Variants in PNPLA5 observed in about 807,000 individuals in gnomAD.
PNPLA5 encodes patatin-like phospholipase domain-containing protein 5.
PNPLA5 carries 44 observed loss-of-function variants against 49.1 expected under a neutral mutation model. The ratio of observed to expected loss-of-function variants is 0.90; its 90% CI spans 0.70 to 1.15. The LOEUF is 1.15. PNPLA5 is among the 50% of genes most tolerant of loss of function. The probability of loss-of-function intolerance (pLI) is 0.00; values close to 1 mark genes in which losing one functional copy is unlikely to be tolerated. For missense variants in PNPLA5, 603 were observed against 564.0 expected, an observed-to-expected ratio of 1.07 and a Z score of -0.70; for synonymous variants, 243 against 244.4, an observed-to-expected ratio of 0.99 and a Z score of 0.06.
chr22:43,890,988 A>G, intron 2 of PNPLA5, 74 bp downstream of exon 2: 1 of 1,531,158 alleles, frequency 6.5e-7, no homozygotes, highest in Non-Finnish European at 8.8e-7. Context: ...TCTGACGGGG[A>G]AGTACCTGGA....
Position 43,880,880 on chromosome 22 carries a change from G to A in PNPLA5, c.1205C>T (p.Pro402Leu), listed in dbSNP as rs201768155. 27 of 1,326,352 alleles carry A rather than the reference G, an allele frequency of 2.0e-5. No homozygotes were observed. In the South Asian group the frequency reaches 3.7e-4, roughly 18 times the overall value. 82.2% of individuals were successfully genotyped at this position (1,326,352 alleles called of 1,614,324 possible). A position where few individuals can be genotyped will look rare whatever the true frequency, so the allele number is the denominator to read the frequency against. The change falls in exon 9 of 9, where the codon CCG (proline) becomes CTG (leucine). Residue 402 changes from proline (P) to leucine (L), a missense_variant. Coordinates refer to ENST00000216177, the MANE Select transcript of PNPLA5 (RefSeq NM_138814.4). ...KAQLLGPISP[P>L]ATRVLETSPL... is the part of the protein sequence containing the mutation. ...GCTTGTTTCCAGGACGCGAGTGGCC[G>A]GAGGGCTGTGGAGGGAGGAGAAGCC...
intron 7 of PNPLA5, among the ~76,000 whole-genome samples, chr22:43,883,775 C>T (rs2049633124): frequency 6.6e-6 from 1 of 150,894 alleles, no homozygotes; most frequent in South Asian, 2.1e-4. Flanking sequence ...CATGCCATTG[C>T]ACTCCAGCCT....
At position 43,889,831 on chromosome 22, in the gene PNPLA5, A is replaced by T; in HGVS notation, c.460T>A (p.Cys154Ser). ...CTGAACTCGGGGGGGATCAGCCCGC[A>T]GTAGAAAGGAAAGTATAAGGTGCAG... Reference protein sequence around the residue: ...LVCTLYFPFYCGLIPPEFRGE... With the variant: ...LVCTLYFPFYSGLIPPEFRGE... The change falls in exon 3 of 9, where the codon TGC becomes AGC. Residue 154 changes from cysteine (C) to serine (S), a missense_variant. By Grantham distance (112) the Cys-to-Ser change is moderately radical (BLOSUM62 -1). Transcript: ENST00000216177. The T allele has an allele frequency of 6.2e-7, 1 of 1,613,544 alleles. No homozygotes were observed. The highest frequency in any genetic ancestry group is 8.5e-7 in the Non-Finnish European group (1 of 1,179,816).
At position 43,891,750 on chromosome 22, in the gene PNPLA5, C is replaced by G. The variant is rs566943182; in HGVS notation, c.131G>C (p.Arg44Pro). 6.5e-7 allele frequency: 1 copy of G among 1,542,290 alleles called. No individual in the cohort carries two copies. Among genetic ancestry groups the G allele is most frequent in the East Asian group, 2.5e-5 (1 of 40,338 alleles). Reference protein sequence around the residue: ...RAPRLLQGARRIYGSSSGALN... With the variant: ...RAPRLLQGARPIYGSSSGALN... ...CGCCCCAGACGAGGAACCGTAGATG[C>G]GGCGGGCGCCCTGGAGGAGGCGCGG... The change falls in exon 1 of 9, where the codon CGC (arginine) becomes CCC (proline). Residue 44 changes from arginine (R) to proline (P), a missense_variant. Coordinates refer to ENST00000216177, the MANE Select transcript of PNPLA5 (RefSeq NM_138814.4).
chr22:43,886,995 T>A (rs959651579), intron 5 of PNPLA5, among the ~76,000 whole-genome samples: 3 of 151,900 alleles, frequency 2.0e-5, no homozygotes, highest in African/African-American at 7.3e-5. Context: ...ATTGCACCAA[T>A]TTGAAGAGCT....
intron 6 of PNPLA5, 157 bp from the exon 7 acceptor site, chr22:43,884,502 C>G: frequency 4.0e-6 from 3 of 751,484 alleles, no homozygotes; most frequent in Non-Finnish European, 4.9e-6. Flanking sequence ...CAGCAGGTAG[C>G]TCTGCGCTCA....
chr22:43,890,601 C>T (rs755414556), intron 2 of PNPLA5, among the ~76,000 whole-genome samples: 8 of 152,218 alleles, frequency 5.3e-5, no homozygotes, highest in Non-Finnish European at 1.0e-4. Flanking sequence ...TCGATACCGC[C>T]TGCCCCCCAG....
intron 4 of PNPLA5, 98 bp from the exon 5 acceptor site, chr22:43,887,749 C>A: frequency 1.9e-6 from 3 of 1,540,712 alleles, no homozygotes; most frequent in Non-Finnish European, 2.6e-6. Context: ...TGGAAATAGT[C>A]CCAGCCCAGC....
chr22:43,884,623 G>C (rs2049643724), intron 6 of PNPLA5, among the ~76,000 whole-genome samples: 1 of 152,220 alleles, frequency 6.6e-6, no homozygotes, highest in Non-Finnish European at 1.5e-5. Flanking sequence ...GCAGGGCCAG[G>C]ATGGACTTGA....
At chr22:43,881,504 C>G in intron 8 of PNPLA5, 54 bp downstream of exon 8, 1 of 1,484,520 alleles carries the variant, frequency 6.7e-7, no homozygotes, top group Non-Finnish European at 9.1e-7. Context: ...GCAGCTGGTG[C>G]GTTCCCCCCA....
intron 8 of PNPLA5, 115 bp downstream of exon 8, chr22:43,881,443 A>G: frequency 9.4e-7 from 1 of 1,063,292 alleles, no homozygotes. Flanking sequence ...GGACGCAGGT[A>G]AGCAGGTGGG....
chr22:43,883,012 A>G (rs978824541), intron 7 of PNPLA5, among the ~76,000 whole-genome samples: 1 of 152,062 alleles, frequency 6.6e-6, no homozygotes, highest in South Asian at 2.1e-4. Context: ...CGTGTACGGC[A>G]CACTCCCTGA....
At position 43,879,759 on chromosome 22, in the gene PNPLA5, G is replaced by A. The variant is rs1372083469; in HGVS notation, c.*1036C>T. On this transcript the variant is annotated 3_prime_UTR_variant, in exon 9 of 9. Transcript: ENST00000216177. ...GGCTGGGGTGCAGTGGCGTGATCAC[G>A]GTTCACTGCAGCCTCGACCTCCTGG... The A allele has an allele frequency of 3.9e-5, 6 of 152,220 alleles. No homozygotes were observed. The highest frequency in any genetic ancestry group is 3.4e-3 in the Middle Eastern group (1 of 294). The allele number at this position is 152,220 out of a possible 1,614,324, so 9.4% of individuals were successfully genotyped here.
chr22:43,886,008 G>A (rs1158889353), intron 6 of PNPLA5, among the ~76,000 whole-genome samples: 1 of 152,216 alleles, frequency 6.6e-6, no homozygotes, highest in Non-Finnish European at 1.5e-5. Flanking sequence ...ACAGGCTTGG[G>A]TTCAAATCCC....
chr22:43,888,874 C>T (rs1050066948), intron 4 of PNPLA5, among the ~76,000 whole-genome samples: 6 of 152,190 alleles, frequency 3.9e-5, no homozygotes, highest in African/African-American at 9.7e-5. Flanking sequence ...CAGTCAAGGA[C>T]GGTGGTCAAG....
At chr22:43,886,020 T>C (rs2049660303) in intron 6 of PNPLA5, among the ~76,000 whole-genome samples, 1 of 152,224 alleles carries the variant, frequency 6.6e-6, no homozygotes, top group African/African-American at 2.4e-5. Flanking sequence ...TCAAATCCCC[T>C]AGTTGCAGGC....
chr22:43,881,633 C>T lies in PNPLA5; in HGVS notation c.1124G>A (p.Trp375Ter). The change falls in exon 8 of 9, where the codon TGG becomes TAG. Residue 375 changes from tryptophan to a stop codon, truncating the protein, a stop_gained. Coordinates refer to ENST00000216177, the MANE Select transcript of PNPLA5 (RefSeq NM_138814.4). LOFTEE classifies it high-confidence loss of function. ...WLPDVPADLWWMQGLLRNMAL... is the reference protein window; with the variant it reads ...WLPDVPADLW ...CATGTTCCTCAGCAGGCCCTGCATCCACCACAAGTCCGCCGGCACATCGGG... is the reference window on the plus strand; with the variant it reads ...CATGTTCCTCAGCAGGCCCTGCATCTACCACAAGTCCGCCGGCACATCGGG... 2 of 1,613,702 alleles carry T rather than the reference C, an allele frequency of 1.2e-6. No homozygotes were observed. The highest frequency in any genetic ancestry group is 1.6e-4 in the Middle Eastern group (1 of 6,062).
intron 6 of PNPLA5, among the ~76,000 whole-genome samples, chr22:43,885,816 G>C (rs1358565992): frequency 6.6e-6 from 1 of 152,194 alleles, no homozygotes; most frequent in African/African-American, 2.4e-5. Flanking sequence ...ACTTCTCTGT[G>C]CTATGGTTTC....
chr22:43,886,250 G>A (rs2049662642), intron 6 of PNPLA5, 53 bp downstream of exon 6: 1 of 1,548,630 alleles, frequency 6.5e-7, no homozygotes, highest in Non-Finnish European at 8.7e-7. Flanking sequence ...CCTGAGCCCG[G>A]GCCCCTGAGT....
Sources: gnomAD v4.1 joint callset for allele counts (sites outside exome capture counted in the v4.1 genomes callset) on GRCh38, gnomAD v4.1.1 for gene constraint, MANE v1.5 for transcripts, NCBI Gene and HGNC (gene_info 2026-07-23, HGNC 2026-07-21) for gene names.